Variants in PDE6C observed in about 807,000 individuals in gnomAD.
The protein encoded by PDE6C is phosphodiesterase 6C.
PDE6C carries 75 observed loss-of-function variants against 113.1 expected under a neutral mutation model. The ratio of observed to expected loss-of-function variants is 0.66; its 90% confidence interval spans 0.55 to 0.80. The LOEUF is 0.80. Among genes scored for constraint, PDE6C ranks in the 30% least tolerant of loss-of-function variants. The probability of loss-of-function intolerance (pLI) is 0.00; values close to 1 mark genes in which losing one functional copy is unlikely to be tolerated. For missense variants in PDE6C, 912 were observed against 1,038.6 expected (o/e 0.88, Z 1.67); for synonymous variants, 375 against 363.7 (o/e 1.03, Z -0.35).
intron 6 of PDE6C, 42 bp from the exon 7 acceptor site, chr10:93,626,763 T>TTTCTCTATATTGCAA: frequency 6.3e-7 from 1 of 1,598,318 alleles, no homozygotes; most frequent in Non-Finnish European, 8.6e-7. Flanking sequence ...ACATATTGCA[T>TTTCTCTATATTGCAA]TTCTCTATAT....
intron 1 of PDE6C, among the ~76,000 whole-genome samples, chr10:93,614,296 A>G (rs987774448): frequency 6.6e-6 from 1 of 152,186 alleles, no homozygotes; most frequent in Non-Finnish European, 1.5e-5. Flanking sequence ...ACACGGACCC[A>G]AGAGGTGTGG....
chr10:93,619,926 C>T (rs1260265273), intron 1 of PDE6C, among the ~76,000 whole-genome samples: 1 of 152,080 alleles, frequency 6.6e-6, no homozygotes, highest in Non-Finnish European at 1.5e-5. Flanking sequence ...TCATAAAGCA[C>T]CCAGGGTGGA....
At chr10:93,654,792 TTCTTTCTTTCTTTCTTTC>T in intron 15 of PDE6C, among the ~76,000 whole-genome samples, 2 of 105,156 alleles carry the variant, frequency 1.9e-5, no homozygotes, top group African/African-American at 6.0e-5. Flanking sequence ...CTTTCTTTCT[TTCTTTCTTTCTTTCTTTC>T]TTTTTTTTTT....
At chr10:93,621,683 T>C (rs1055061603) in intron 3 of PDE6C, among the ~76,000 whole-genome samples, 5 of 152,136 alleles carry the variant, frequency 3.3e-5, no homozygotes, top group Non-Finnish European at 7.4e-5. Flanking sequence ...AGCCAAAACA[T>C]CTAGACACAG....
At chr10:93,663,516 GA>G (rs1197385456) in intron 21 of PDE6C, among the ~76,000 whole-genome samples, 1 of 152,118 alleles carries the variant, frequency 6.6e-6, no homozygotes, top group Admixed American at 6.6e-5. Context: ...AGTTAGGTGA[GA>G]AAAAAGTTTT....
intron 1 of PDE6C, among the ~76,000 whole-genome samples, chr10:93,619,097 G>A (rs571417599): frequency 3.9e-5 from 6 of 152,334 alleles, no homozygotes; most frequent in South Asian, 4.1e-4. Flanking sequence ...TAAACCCACC[G>A]TGAGTGGCTA....
intron 15 of PDE6C, among the ~76,000 whole-genome samples, chr10:93,647,405 G>C (rs376431078): frequency 6.6e-6 from 1 of 152,100 alleles, no homozygotes; most frequent in African/African-American, 2.4e-5. Flanking sequence ...ATCCAAGATG[G>C]TCCTCATAAG....
intron 1 of PDE6C, among the ~76,000 whole-genome samples, chr10:93,616,877 C>A (rs2058422474): frequency 6.6e-6 from 1 of 152,176 alleles, no homozygotes; most frequent in African/African-American, 2.4e-5. Flanking sequence ...TCGTCTTGAA[C>A]TTCTGACCTC....
Position 93,665,444 on chromosome 10 carries a change from A to AAT in PDE6C, c.*29_*30dup, listed in dbSNP as rs1454171796. ...TATTATCTAACTGGTCTAAACTTCA[A>AAT]ATATCATTTTACCTTTGAAGAAAAC... On this transcript the variant is annotated 3_prime_UTR_variant, in exon 22 of 22. Coordinates refer to ENST00000371447, the MANE Select transcript of PDE6C (RefSeq NM_006204.4). 5 of 1,418,124 alleles carry AAT rather than the reference A, an allele frequency of 3.5e-6. No individual in the cohort carries two copies. Among genetic ancestry groups the AAT allele is most frequent in the Non-Finnish European group, 5.0e-6 (5 of 1,001,362 alleles). The allele number at this position is 1,418,124 out of a possible 1,614,324, so 87.8% of individuals were successfully genotyped here.
chr10:93,632,486 C>T (rs1303619873), intron 8 of PDE6C, among the ~76,000 whole-genome samples: 1 of 152,112 alleles, frequency 6.6e-6, no homozygotes, highest in Non-Finnish European at 1.5e-5. Context: ...TTTTCTTAAA[C>T]CTTGGGTTCC....
At chr10:93,633,476 AAAAAT>A (rs1395991156) in intron 8 of PDE6C, among the ~76,000 whole-genome samples, 12 of 146,370 alleles carry the variant, frequency 8.2e-5, no homozygotes, top group South Asian at 2.3e-4. Flanking sequence ...AAAAAAAAAA[AAAAAT>A]AAAAAAAAAT....
rs1131978 is a variant in PDE6C, at chr10:93,612,977, G to A, written c.252G>A (p.Leu84=). 0.18 allele frequency: 284,823 copies of A among 1,613,762 alleles called. 26,106 individuals carry two copies. Among genetic ancestry groups the A allele is most frequent in the Middle Eastern group, 0.24 (1,458 of 6,046 alleles). ...GTPEQGVHRA[L]QRLAHLLQAD... ...CAGAGCAGGGGGTTCACAGGGCCCT[G>A]CAGAGGCTGGCCCACCTGCTCCAGG... The change falls in exon 1 of 22, where the codon CTG becomes CTA. Residue 84 remains leucine (L), a synonymous_variant. Coordinates refer to ENST00000371447, the MANE Select transcript of PDE6C (RefSeq NM_006204.4).
intron 14 of PDE6C, among the ~76,000 whole-genome samples, chr10:93,642,824 C>T (rs922971857): frequency 6.6e-6 from 1 of 152,202 alleles, no homozygotes; most frequent in Non-Finnish European, 1.5e-5. Context: ...TAAGCAGTGA[C>T]TCCTCATCTT....
rs11418985 is a variant in PDE6C, at chr10:93,616,652, C to CTTTTTTT, written c.480+3461_480+3467dup. 5.1e-5 allele frequency among the ~76,000 whole-genome samples: 6 copies of CTTTTTTT among 118,486 alleles called. 1 individual carries two copies. The highest frequency in any genetic ancestry group is 9.8e-5 in the African/African-American group (3 of 30,480). The allele number at this position is 118,486 out of a possible 152,430, so 77.7% of individuals were successfully genotyped here. On this transcript the variant is annotated intron_variant, in intron 1 of 21. Coordinates refer to ENST00000371447, the MANE Select transcript of PDE6C (RefSeq NM_006204.4). ...TTAAAACAAGTTGAAGGCAGGAAGACTTTTTTTTTTTTTTTTTTTTGAGAC... is the reference window on the plus strand; with the variant it reads ...TTAAAACAAGTTGAAGGCAGGAAGACTTTTTTTTTTTTTTTTTTTTTTTTTTTGAGAC...
At chr10:93,665,167 C>A (rs966003584) in intron 21 of PDE6C, among the ~76,000 whole-genome samples, 193 bp from the exon 22 acceptor site, 1 of 152,182 alleles carries the variant, frequency 6.6e-6, no homozygotes, top group Non-Finnish European at 1.5e-5. Flanking sequence ...CTGCACCTAA[C>A]CCAGATTTTA....
At chr10:93,618,070 G>T (rs1050449869) in intron 1 of PDE6C, among the ~76,000 whole-genome samples, 1 of 152,178 alleles carries the variant, frequency 6.6e-6, no homozygotes, top group African/African-American at 2.4e-5. Context: ...ATGAGTGAGG[G>T]AGTGTGCTGG....
chr10:93,633,408 G>A (rs1489946139), intron 8 of PDE6C, among the ~76,000 whole-genome samples: 1 of 147,168 alleles, frequency 6.8e-6, no homozygotes, highest in African/African-American at 2.5e-5. Flanking sequence ...AGAGGTTGCA[G>A]TGAGCCAAGA....
chr10:93,639,392 C>A (rs1328831723), intron 11 of PDE6C, among the ~76,000 whole-genome samples: 7 of 152,204 alleles, frequency 4.6e-5, no homozygotes, highest in African/African-American at 1.2e-4. Flanking sequence ...CAAGTCGCAC[C>A]AATGCCATGT....
Position 93,640,150 on chromosome 10 carries a change from G to A in PDE6C, c.1563G>A (p.Leu521=). The A allele has an allele frequency of 1.2e-6, 2 of 1,613,744 alleles. No individual in the cohort carries two copies. The highest frequency in any genetic ancestry group is 1.7e-6 in the Non-Finnish European group (2 of 1,179,660). ...FSDFPLTEHG[L]IKCGIRLFFE... ...ACTTCCCCCTTACAGAGCACGGATT[G>A]ATTAAATGTGGAATACGACTGTTTT... Residue 521 remains leucine (L), a synonymous_variant, in exon 12 of 22, where the codon TTG becomes TTA. Transcript: ENST00000371447.
Sources: gnomAD v4.1 joint callset for allele counts (sites outside exome capture counted in the v4.1 genomes callset) on GRCh38, gnomAD v4.1.1 for gene constraint, MANE v1.5 for transcripts, NCBI Gene and HGNC (gene_info 2026-07-23, HGNC 2026-07-21) for gene names.